The following SLC39A8 variants were observed in gnomAD, a reference collection of about 807,000 sequenced individuals.
SLC39A8 encodes the protein solute carrier family 39 member 8.
A neutral mutation model predicts 40.4 loss-of-function variants in SLC39A8; 15 were observed. The observed-to-expected ratio is 0.37, with a 90% CI of 0.25 to 0.57. The LOEUF is 0.57. SLC39A8 is among the 20% of genes least tolerant of loss of function. SLC39A8 has a pLI of 0.75. For synonymous variants in SLC39A8, 223 were observed against 221.6 expected, an observed-to-expected ratio of 1.01 and a Z score of -0.06; for missense variants, 472 against 558.8, an observed-to-expected ratio of 0.84 and a Z score of 1.57.
At chr4:102,320,423 AAT>A (rs561114741) in intron 2 of SLC39A8, among the ~76,000 whole-genome samples, 3,464 of 72,724 alleles carry the variant, frequency 0.048, 176 homozygotes, top group Non-Finnish European at 0.062. Context: ...TATATATGAG[AAT>A]ATATATATAT....
At chr4:102,261,332 G>A (rs1470876820), downstream of SLC39A8, among the ~76,000 whole-genome samples, 7 of 152,166 alleles carry the variant, frequency 4.6e-5, no homozygotes, top group Admixed American at 6.5e-5. Flanking sequence ...TGGTAAACTC[G>A]TGGTGCTGTT....
At chr4:102,308,874 A>ATTTCC in intron 3 of SLC39A8, among the ~76,000 whole-genome samples, 1 of 152,068 alleles carries the variant, frequency 6.6e-6, no homozygotes, top group African/African-American at 2.4e-5. Flanking sequence ...GAGAAATACT[A>ATTTCC]CTACCTCCTT....
At chr4:102,331,857 C>T (rs763848778) in intron 2 of SLC39A8, among the ~76,000 whole-genome samples, 56 of 152,030 alleles carry the variant, frequency 3.7e-4, no homozygotes, top group Admixed American at 3.2e-3. Flanking sequence ...TCAGAAATAA[C>T]GCCAGACATC....
intron 6 of SLC39A8, among the ~76,000 whole-genome samples, chr4:102,293,908 G>A (rs183226827): frequency 6.8e-6 from 1 of 146,652 alleles, no homozygotes; most frequent in Non-Finnish European, 1.5e-5. Flanking sequence ...TCAGAGTTTT[G>A]TTTTTTTTTT....
In SLC39A8 at chr4:102,262,374, T is replaced by C. The variant is rs9705; in HGVS notation, c.*670A>G. The C allele has an allele frequency of 0.77, 763,328 of 985,252 alleles. 296,658 individuals are homozygous for C. Among genetic ancestry groups the C allele is most frequent in the Middle Eastern group, 0.79 (1,518 of 1,912 alleles). The allele number at this position is 985,252 out of a possible 1,614,324, so 61.0% of individuals were successfully genotyped here. A position where few individuals can be genotyped will look rare whatever the true frequency, so the allele number is the denominator to read the frequency against. On this transcript the variant is annotated 3_prime_UTR_variant, in exon 9 of 9. Transcript: ENST00000356736. ...TTTTCGTGGAATCTGGTGAAGTTTA[T>C]ACTTAGCGATAAGCCTCTAAGCCTG... is the stretch of plus-strand genomic sequence containing the variant.
downstream of SLC39A8, chr4:102,259,663 T>TAA: frequency 3.3e-6 from 2 of 603,720 alleles, no homozygotes; most frequent in Non-Finnish European, 2.9e-6. Context: ...ACGATTTTAA[T>TAA]AGTCCCTGAA....
intron 6 of SLC39A8, among the ~76,000 whole-genome samples, chr4:102,270,040 G>A (rs930176966): frequency 1.1e-4 from 16 of 152,192 alleles, no homozygotes; most frequent in Admixed American, 1.0e-3. Flanking sequence ...GAAAGCCACA[G>A]AGGAAGTGAC....
intron 6 of SLC39A8, among the ~76,000 whole-genome samples, chr4:102,301,217 A>C (rs957179412): frequency 6.6e-6 from 1 of 152,100 alleles, no homozygotes; most frequent in African/African-American, 2.4e-5. Context: ...CAGAATATTG[A>C]AGGAATTGTG....
At chr4:102,307,403 T>C (rs1455994273) in intron 4 of SLC39A8, 33 bp downstream of exon 4, 4 of 1,602,726 alleles carry the variant, frequency 2.5e-6, no homozygotes, top group Non-Finnish European at 3.4e-6. Context: ...AAAGAAACAA[T>C]TATTCACAGA....
At chr4:102,264,747 T>TCTGCAGCTTCCCATCAGCACTTG (rs1181446744) in intron 8 of SLC39A8, among the ~76,000 whole-genome samples, 1 of 152,242 alleles carries the variant, frequency 6.6e-6, no homozygotes, top group Admixed American at 6.5e-5. Context: ...TGGATAACTT[T>TCTGCAGCTTCCCATCAGCACTTG]CTGCAGCTTC....
chr4:102,255,905 T>C (rs1051209508), intron 11 of SLC39A8, among the ~76,000 whole-genome samples: 5 of 152,234 alleles, frequency 3.3e-5, no homozygotes, highest in African/African-American at 1.2e-4. Context: ...AAAGGATCGC[T>C]ATGACAGCGC....
chr4:102,291,571 G>C (rs1373852727), intron 6 of SLC39A8, among the ~76,000 whole-genome samples: 1 of 152,016 alleles, frequency 6.6e-6, no homozygotes, highest in African/African-American at 2.4e-5. Context: ...TCTCAAAGAA[G>C]GTCCAATATA....
intron 6 of SLC39A8, among the ~76,000 whole-genome samples, chr4:102,296,973 G>T (rs1033960529): frequency 3.3e-5 from 5 of 152,094 alleles, no homozygotes. Flanking sequence ...TGTGGCCCAC[G>T]CCTGTAGTCC....
At chr4:102,253,363 T>C (rs1193586119) in exon 12 of SLC39A8, 4 of 709,962 alleles carry the variant, frequency 5.6e-6, no homozygotes, top group African/African-American at 1.8e-5. Context: ...AACCAATCAC[T>C]GTTGAAGGTG....
intron 6 of SLC39A8, among the ~76,000 whole-genome samples, chr4:102,273,467 T>C (rs1732462938): frequency 6.6e-6 from 1 of 152,044 alleles, no homozygotes; most frequent in East Asian, 1.9e-4. Context: ...TAGATAAAAC[T>C]CCCATCTCCC....
chr4:102,275,282 A>AAAAACG (rs1732565668), intron 6 of SLC39A8, among the ~76,000 whole-genome samples: 1 of 55,080 alleles, frequency 1.8e-5, no homozygotes, highest in Admixed American at 1.3e-4. Context: ...GGAAAGCAAA[A>AAAAACG]AAAACAAAAA....
intron 2 of SLC39A8, among the ~76,000 whole-genome samples, chr4:102,319,022 G>A (rs2149042929): frequency 6.6e-6 from 1 of 152,292 alleles, no homozygotes; most frequent in East Asian, 1.9e-4. Context: ...ACATTAGGGT[G>A]ACCTCAAATG....
At chr4:102,335,233 A>G (rs1037228101) in intron 2 of SLC39A8, among the ~76,000 whole-genome samples, 1 of 152,190 alleles carries the variant, frequency 6.6e-6, no homozygotes, top group African/African-American at 2.4e-5. Context: ...CTCTTAACAT[A>G]AGGGACTGCA....
At chr4:102,334,164 G>T (rs1735577672) in intron 2 of SLC39A8, among the ~76,000 whole-genome samples, 1 of 152,158 alleles carries the variant, frequency 6.6e-6, no homozygotes, top group Non-Finnish European at 1.5e-5. Flanking sequence ...CTATGGTCCA[G>T]TTATACACAG....
Sources: allele counts gnomAD v4.1 joint callset (sites outside exome capture counted in the v4.1 genomes callset), GRCh38; gene constraint gnomAD v4.1.1; transcripts MANE v1.5; gene names NCBI Gene and HGNC (gene_info 2026-07-23, HGNC 2026-07-21).